The following PRKCA variants were observed in gnomAD, a reference collection of about 807,000 sequenced individuals.
PRKCA encodes protein kinase C alpha.
Under a neutral mutation model 87.0 loss-of-function variants are expected in PRKCA, and 27 were observed. The ratio of observed to expected loss-of-function variants is 0.31; its 90% CI spans 0.23 to 0.43. The LOEUF is 0.43. Among genes scored for constraint, PRKCA ranks in the 20% least tolerant of loss-of-function variants. The pLI is 1.00. For synonymous variants in PRKCA, 329 were observed against 311.1 expected, an observed-to-expected ratio of 1.06 and a Z score of -0.61; for missense variants, 518 against 852.3, an observed-to-expected ratio of 0.61 and a Z score of 4.88.
chr17:66,660,641 G>A (rs541336648), intron 5 of PRKCA, among the ~76,000 whole-genome samples: 3 of 152,228 alleles, frequency 2.0e-5, no homozygotes, highest in Non-Finnish European at 4.4e-5. Flanking sequence ...TGTAATCCCA[G>A]CACTTTGGGA....
At chr17:66,736,423 C>T (rs931408040) in intron 10 of PRKCA, among the ~76,000 whole-genome samples, 5 of 151,836 alleles carry the variant, frequency 3.3e-5, no homozygotes, top group East Asian at 3.9e-4. Flanking sequence ...GATTACAGGC[C>T]GCTGCCACCA....
At chr17:66,565,512 T>A (rs758789024) in intron 3 of PRKCA, among the ~76,000 whole-genome samples, 1 of 152,192 alleles carries the variant, frequency 6.6e-6, no homozygotes, top group Non-Finnish European at 1.5e-5. Context: ...TCCACAATTA[T>A]AACGTGGGAC....
intron 3 of PRKCA, among the ~76,000 whole-genome samples, chr17:66,603,229 T>C (rs1182052754): frequency 1.3e-5 from 2 of 152,216 alleles, no homozygotes; most frequent in African/African-American, 2.4e-5. Flanking sequence ...GCTCTCTCTC[T>C]GCTGTGCTTC....
At chr17:66,328,417 C>T (rs1280863037) in intron 2 of PRKCA, among the ~76,000 whole-genome samples, 2 of 151,622 alleles carry the variant, frequency 1.3e-5, no homozygotes, top group African/African-American at 2.4e-5. Flanking sequence ...AAGGAGTTAA[C>T]TGATTGAAAA....
At chr17:66,770,446 T>A (rs932416562) in intron 13 of PRKCA, among the ~76,000 whole-genome samples, 1 of 152,208 alleles carries the variant, frequency 6.6e-6, no homozygotes, top group Non-Finnish European at 1.5e-5. Context: ...GTTCTGTGTT[T>A]TCTGTTCTAA....
intron 3 of PRKCA, among the ~76,000 whole-genome samples, chr17:66,591,173 G>C (rs1031180514): frequency 4.6e-5 from 7 of 152,162 alleles, no homozygotes; most frequent in Non-Finnish European, 8.8e-5. Context: ...TTGTTTTAAA[G>C]ACAGGGTCTT....
chr17:66,549,774 T>G (rs1968270324), intron 3 of PRKCA, among the ~76,000 whole-genome samples: 1 of 152,208 alleles, frequency 6.6e-6, no homozygotes, highest in Non-Finnish European at 1.5e-5. Context: ...CAAGAAATCC[T>G]TAATTGCCTC....
intron 5 of PRKCA, among the ~76,000 whole-genome samples, chr17:66,673,996 C>G (rs1054853130): frequency 6.6e-6 from 1 of 152,202 alleles, no homozygotes; most frequent in Non-Finnish European, 1.5e-5. Context: ...GTCCAAGAGT[C>G]CCTCCAAATG....
At chr17:66,368,382 ATATATTTTTTTTTTTTT>A (rs1908881375) in intron 2 of PRKCA, among the ~76,000 whole-genome samples, 2 of 34,568 alleles carry the variant, frequency 5.8e-5, no homozygotes, top group South Asian at 3.3e-3. Flanking sequence ...ATATATATAT[ATATATTTTTTTTTTTTT>A]TTTTTTTTTT....
rs905760145 is a variant in PRKCA, at chr17:66,422,081, CTTGT to C, written c.206-74115_206-74112del. On this transcript the variant is annotated intron_variant, in intron 2 of 16. Coordinates refer to ENST00000413366, the MANE Select transcript of PRKCA (RefSeq NM_002737.3). ...ATCTTTACGTGGTTTTCTCTCTGTCCTTGTTTGTCATAATCTCTTCTCATAAAGA... is the reference window on the plus strand; with the variant it reads ...ATCTTTACGTGGTTTTCTCTCTGTCCTTGTCATAATCTCTTCTCATAAAGA... Among the ~76,000 whole-genome samples the C allele has an allele frequency of 1.6e-4, 24 of 152,178 alleles. No homozygotes were observed. The South Asian group carries it at 2.5e-3, about 16-fold the overall frequency.
chr17:66,383,317 T>C (rs2143598941), intron 2 of PRKCA, among the ~76,000 whole-genome samples: 1 of 152,342 alleles, frequency 6.6e-6, no homozygotes, highest in Non-Finnish European at 1.5e-5. Flanking sequence ...GGTACTAATT[T>C]CAGTGTCATC....
At chr17:66,518,737 C>G (rs946927762) in intron 3 of PRKCA, among the ~76,000 whole-genome samples, 8 of 152,116 alleles carry the variant, frequency 5.3e-5, no homozygotes, top group African/African-American at 1.9e-4. Flanking sequence ...AAATCTAATG[C>G]CCAGAAAATT....
intron 5 of PRKCA, among the ~76,000 whole-genome samples, chr17:66,662,223 CCT>C (rs1971925841): frequency 6.6e-6 from 1 of 151,924 alleles, no homozygotes; most frequent in African/African-American, 2.4e-5. Flanking sequence ...AATATCAGGT[CCT>C]CTCTCTCTCT....
chr17:66,650,780 C>T (rs891424137), intron 5 of PRKCA, among the ~76,000 whole-genome samples: 4 of 152,146 alleles, frequency 2.6e-5, no homozygotes, highest in Non-Finnish European at 5.9e-5. Context: ...ATAATATTCC[C>T]TCTGTGTGTT....
At chr17:66,755,052 C>T (rs936680954) in intron 13 of PRKCA, among the ~76,000 whole-genome samples, 9 of 152,096 alleles carry the variant, frequency 5.9e-5, no homozygotes, top group African/African-American at 1.7e-4. Context: ...TAGACCCAGT[C>T]GCTCCACAGT....
chr17:66,352,116 T>C (rs1907779393), intron 2 of PRKCA, among the ~76,000 whole-genome samples: 2 of 152,254 alleles, frequency 1.3e-5, no homozygotes, highest in East Asian at 1.9e-4. Flanking sequence ...CTCATGGGAA[T>C]GGGGCTGGGG....
At chr17:66,537,573 G>A (rs1567884092) in intron 3 of PRKCA, among the ~76,000 whole-genome samples, 1 of 152,192 alleles carries the variant, frequency 6.6e-6, no homozygotes, top group Non-Finnish European at 1.5e-5. Flanking sequence ...GGTCTTCAGA[G>A]CATGTCATAA....
intron 3 of PRKCA, among the ~76,000 whole-genome samples, chr17:66,604,200 G>A (rs2143601234): frequency 6.6e-6 from 1 of 151,988 alleles, no homozygotes; most frequent in African/African-American, 2.4e-5. Context: ...ATGGATAATA[G>A]CTCTAAATAA....
chr17:66,683,666 C>T (rs1460723123), intron 5 of PRKCA, among the ~76,000 whole-genome samples: 1 of 152,168 alleles, frequency 6.6e-6, no homozygotes, highest in East Asian at 1.9e-4. Flanking sequence ...GTGGCATGAT[C>T]TCAGCTCACT....
Sources: gnomAD v4.1 joint callset for allele counts (sites outside exome capture counted in the v4.1 genomes callset) on GRCh38, gnomAD v4.1.1 for gene constraint, MANE v1.5 for transcripts, NCBI Gene and HGNC (gene_info 2026-07-23, HGNC 2026-07-21) for gene names.